The following VSTM2B variants were observed in gnomAD, a reference collection of about 807,000 sequenced individuals.
VSTM2B encodes V-set and transmembrane domain containing 2B, also known as V-set and transmembrane domain-containing protein 2B.
In VSTM2B, 24 loss-of-function variants were observed where a neutral mutation model predicts 24.0. That is an observed-to-expected ratio of 1.00 (90% CI 0.72 to 1.40). The LOEUF (loss-of-function observed/expected upper bound fraction) is 1.40, where lower values mean the gene tolerates loss of function less well. Ranked by LOEUF, VSTM2B falls within the 40% of genes most tolerant of loss-of-function variation. VSTM2B has a pLI of 0.00. For synonymous variants in VSTM2B, 226 were observed against 194.4 expected (o/e 1.16, Z -1.35); for missense variants, 399 against 416.4 (o/e 0.96, Z 0.36).
chr19:29,558,910 A>G (rs930564296), intron 4 of VSTM2B, among the ~76,000 whole-genome samples: 1 of 152,232 alleles, frequency 6.6e-6, no homozygotes, highest in Non-Finnish European at 1.5e-5. Flanking sequence ...AACCACAATG[A>G]GATACCATCT....
chr19:29,553,780 C>A (rs914265024), intron 4 of VSTM2B, among the ~76,000 whole-genome samples: 5 of 152,140 alleles, frequency 3.3e-5, no homozygotes, highest in African/African-American at 1.2e-4. Flanking sequence ...AATACAATCA[C>A]AAATATCAAT....
chr19:29,552,114 A>C (rs975059278), intron 4 of VSTM2B, among the ~76,000 whole-genome samples: 2 of 152,202 alleles, frequency 1.3e-5, no homozygotes, highest in Non-Finnish European at 2.9e-5. Context: ...AAAGGAGGCA[A>C]TGCCTGGGGA....
chr19:29,527,579 A>C (rs759578927), intron 2 of VSTM2B, among the ~76,000 whole-genome samples, 184 bp downstream of exon 2: 6 of 152,128 alleles, frequency 3.9e-5, no homozygotes, highest in Non-Finnish European at 1.5e-5. Flanking sequence ...CAAACCTGTC[A>C]ATTATTTTGA....
At chr19:29,528,908 C>G in intron 3 of VSTM2B, 1 of 985,340 alleles carries the variant, frequency 1.0e-6, no homozygotes, top group Non-Finnish European at 1.2e-6. Flanking sequence ...TTATCCTCCG[C>G]CTGGATTGCG....
intron 4 of VSTM2B, among the ~76,000 whole-genome samples, chr19:29,559,964 CATTCATGTGTCTATGATCGGCTGCTA>C (rs1970490829): frequency 6.6e-6 from 1 of 152,100 alleles, no homozygotes; most frequent in East Asian, 1.9e-4. Context: ...CTGTTGGGCT[CATTCATGTGTCTATGATCGGCTGCTA>C]ATTCAATTGA....
At chr19:29,549,065 T>A (rs1034365160) in intron 4 of VSTM2B, among the ~76,000 whole-genome samples, 1 of 152,234 alleles carries the variant, frequency 6.6e-6, no homozygotes, top group Non-Finnish European at 1.5e-5. Context: ...GTCCTGGGGT[T>A]GCTGATTCTG....
intron 4 of VSTM2B, among the ~76,000 whole-genome samples, chr19:29,552,306 T>G (rs1404803571): frequency 1.3e-5 from 2 of 152,230 alleles, no homozygotes; most frequent in Non-Finnish European, 2.9e-5. Context: ...CCTAGGTCCT[T>G]CTTTTGCCAA....
chr19:29,528,432 G>A lies in VSTM2B; in HGVS notation c.268-1G>A, dbSNP rs1230976213. On this transcript the variant is annotated splice_acceptor_variant, in intron 2 of 4. Transcript: ENST00000335523. LOFTEE classifies it high-confidence loss of function. Reference sequence around the variant, plus strand: ...TCTCTCTCTCCCTCTTTGCATTTTAGGTAACAAATAAGGATGCAACTAAAA... The same window carrying A: ...TCTCTCTCTCCCTCTTTGCATTTTAAGTAACAAATAAGGATGCAACTAAAA... 4 of 1,551,088 alleles carry A rather than the reference G, an allele frequency of 2.6e-6. No homozygotes were observed. The highest frequency in any genetic ancestry group is 1.4e-5 in the African/African-American group (1 of 73,070).
chr19:29,557,555 T>C (rs113431600), intron 4 of VSTM2B, among the ~76,000 whole-genome samples: 13,560 of 152,064 alleles, frequency 0.089, 1,279 homozygotes, highest in African/African-American at 0.24. Context: ...AAAAATTAGC[T>C]GAGCGTGGTG....
At chr19:29,540,832 G>GT (rs1970003981) in intron 4 of VSTM2B, among the ~76,000 whole-genome samples, 1 of 152,172 alleles carries the variant, frequency 6.6e-6, no homozygotes, top group Non-Finnish European at 1.5e-5. Flanking sequence ...GCCATGGCTG[G>GT]TACTCTAAAG....
At position 29,526,488 on chromosome 19, in the gene VSTM2B, G is replaced by C; in HGVS notation, c.-96G>C. 1.2e-6 allele frequency: 1 copy of C among 869,278 alleles called. No homozygotes were observed. Among genetic ancestry groups the C allele is most frequent in the South Asian group, 3.0e-5 (1 of 33,562 alleles). 53.8% of individuals were successfully genotyped at this position (869,278 alleles called of 1,614,324 possible). ...CGCCGCGCGGGGCCATGGCAGGCTC[G>C]GAGGCGTCCTAGCCCGAGCCGGAGC... On this transcript the variant is annotated 5_prime_UTR_variant, in exon 1 of 5. Transcript: ENST00000335523. This position sits in a 1 kb window ranked among gnomAD's most constrained non-coding sequence, Gnocchi z 4.1.
chr19:29,557,319 G>T (rs527350349), intron 4 of VSTM2B, among the ~76,000 whole-genome samples: 1 of 152,320 alleles, frequency 6.6e-6, no homozygotes, highest in East Asian at 1.9e-4. Flanking sequence ...AAATGGTGCT[G>T]GGAAAACTGG....
rs1204943287 is a variant in VSTM2B at position 29,539,385 on chromosome 19, A to G, written c.769+9095A>G. Among the ~76,000 whole-genome samples the G allele has an allele frequency of 2.6e-5, 4 of 152,064 alleles. 1 individual carries two copies. Among genetic ancestry groups the G allele is most frequent in the Admixed American group, 6.5e-5 (1 of 15,280 alleles). ...CAGAGGAGAGGCTGGTGTTTGCAGCACTGGACAGCTGTGTCTCCAGGGGAG... is the reference window on the plus strand; with the variant it reads ...CAGAGGAGAGGCTGGTGTTTGCAGCGCTGGACAGCTGTGTCTCCAGGGGAG... On this transcript the variant is annotated intron_variant, in intron 4 of 4. Transcript: ENST00000335523.
chr19:29,544,932 G>A (rs1397379643), intron 4 of VSTM2B, among the ~76,000 whole-genome samples: 5 of 152,190 alleles, frequency 3.3e-5, no homozygotes, highest in African/African-American at 1.2e-4. Context: ...TGGGTAATGA[G>A]GACATATGCA....
intron 4 of VSTM2B, among the ~76,000 whole-genome samples, chr19:29,556,558 A>G (rs1970413517): frequency 2.0e-5 from 3 of 151,974 alleles, no homozygotes; most frequent in Admixed American, 2.0e-4. Context: ...AGAAAGAAAT[A>G]AAGGATATTC....
chr19:29,538,967 T>C (rs548541162), intron 4 of VSTM2B, among the ~76,000 whole-genome samples: 2 of 152,244 alleles, frequency 1.3e-5, no homozygotes, highest in African/African-American at 2.4e-5. Context: ...GTGATGGGGC[T>C]GATGGAGCTC....
intron 4 of VSTM2B, among the ~76,000 whole-genome samples, chr19:29,562,946 A>G (rs902360630): frequency 3.3e-5 from 5 of 151,746 alleles, no homozygotes; most frequent in African/African-American, 1.2e-4. Context: ...TTTCTCAAAG[A>G]CCCCAGCCCA....
chr19:29,557,645 G>A (rs1329254988), intron 4 of VSTM2B, among the ~76,000 whole-genome samples: 1 of 151,538 alleles, frequency 6.6e-6, no homozygotes, highest in Non-Finnish European at 1.5e-5. Flanking sequence ...GTTGCAGTGA[G>A]CTGAGATGGT....
intron 4 of VSTM2B, among the ~76,000 whole-genome samples, chr19:29,546,003 G>A (rs531493128): frequency 2.0e-5 from 3 of 152,290 alleles, no homozygotes; most frequent in South Asian, 4.1e-4. Flanking sequence ...GCCCAGGTGA[G>A]AGCTGATGCA....
Sources: allele counts gnomAD v4.1 joint callset (sites outside exome capture counted in the v4.1 genomes callset), GRCh38; gene constraint gnomAD v4.1.1; non-coding constraint Gnocchi (gnomAD v3.1); transcripts MANE v1.5; gene names NCBI Gene and HGNC (gene_info 2026-07-23, HGNC 2026-07-21).